Variants in COQ10B observed in about 807,000 individuals in gnomAD.
COQ10B encodes coenzyme Q10B.
Under a neutral mutation model 27.6 loss-of-function variants are expected in COQ10B, and 12 were observed. The ratio of observed to expected loss-of-function variants is 0.43; its 90% CI spans 0.28 to 0.70. The LOEUF (loss-of-function observed/expected upper bound fraction) is 0.70. COQ10B is among the 30% of genes least tolerant of loss of function. The pLI, the probability that COQ10B is intolerant of heterozygous loss-of-function variation, is 0.17. For missense variants in COQ10B, 278 were observed against 288.7 expected (o/e 0.96, Z 0.27); for synonymous variants, 115 against 103.0 (o/e 1.12, Z -0.71).
rs1359704743 is a variant in COQ10B, at chr2:197,470,184, A to C, written c.549+13A>C. On this transcript the variant is annotated intron_variant, in intron 4 of 4. Transcript: ENST00000263960. The stretch of plus-strand genomic sequence containing the variant: ...CTTGGATTTTTCAGTAAGTCTCATA[A>C]AGCCCTTGATTTGTTCCACTTATGA... 2.0e-6 allele frequency: 3 copies of C among 1,523,298 alleles called. No homozygotes were observed. The South Asian group carries it at 3.4e-5, about 17-fold the overall frequency. The allele number at this position is 1,523,298 out of a possible 1,614,324, so 94.4% of individuals were successfully genotyped here.
At chr2:197,455,423 C>T (rs2085685424) in intron 1 of COQ10B, among the ~76,000 whole-genome samples, 1 of 146,584 alleles carries the variant, frequency 6.8e-6, no homozygotes, top group Non-Finnish European at 1.5e-5. Flanking sequence ...CTCATGAAAC[C>T]AGCGTGGACA....
intron 3 of COQ10B, among the ~76,000 whole-genome samples, chr2:197,465,421 C>G (rs1273285834): frequency 2.6e-5 from 4 of 152,068 alleles, no homozygotes; most frequent in Non-Finnish European, 5.9e-5. Context: ...TCCCAAGTAG[C>G]TGGGATTATA....
chr2:197,470,666 G>A (rs981732728), intron 4 of COQ10B, among the ~76,000 whole-genome samples: 1 of 151,988 alleles, frequency 6.6e-6, no homozygotes. Context: ...AGGCTGAGGC[G>A]GGCAGATCAC....
chr2:197,473,441 T>C (rs11694885), intron 4 of COQ10B, among the ~76,000 whole-genome samples: 50,658 of 98,042 alleles, frequency 0.52, 14,935 homozygotes, highest in African/African-American at 0.6. Flanking sequence ...TATATATATA[T>C]ACACATATAT....
chr2:197,461,659 GA>G (rs2085759931), intron 2 of COQ10B, among the ~76,000 whole-genome samples: 1 of 142,992 alleles, frequency 7.0e-6, no homozygotes, highest in East Asian at 2.1e-4. Context: ...GAGAGAGAGA[GA>G]GAGAGGTGTA....
At chr2:197,453,724 G>A in intron 1 of COQ10B, 60 bp downstream of exon 1, 2 of 1,399,726 alleles carry the variant, frequency 1.4e-6, no homozygotes, top group Non-Finnish European at 2.0e-6. Flanking sequence ...GCCGAGTTGG[G>A]GGACCGGAAG....
intron 4 of COQ10B, among the ~76,000 whole-genome samples, chr2:197,473,445 CATATAT>C (rs1559296073): frequency 3.2e-5 from 3 of 94,380 alleles, no homozygotes; most frequent in South Asian, 3.6e-4. Context: ...TATATATACA[CATATAT>C]ACATATATAT....
At chr2:197,462,914 T>A (rs879586566) in intron 3 of COQ10B, among the ~76,000 whole-genome samples, 183 bp downstream of exon 3, 1 of 152,212 alleles carries the variant, frequency 6.6e-6, no homozygotes, top group Non-Finnish European at 1.5e-5. Flanking sequence ...AAATAGAAAT[T>A]TGAATATAAT....
At position 197,470,276 on chromosome 2, in the gene COQ10B, T is replaced by A; in HGVS notation, c.549+105T>A. 1.3e-5 allele frequency: 8 copies of A among 622,694 alleles called. No individual in the cohort carries two copies. The South Asian group carries it at 1.4e-4, about 11-fold the overall frequency. The allele number at this position is 622,694 out of a possible 1,614,324, so 38.6% of individuals were successfully genotyped here. ...GCCATAATTATATTGAATACCTTTT[T>A]CTGCATAAATGCTAATGAACATTTC... On this transcript the variant is annotated intron_variant, in intron 4 of 4. Coordinates refer to ENST00000263960, the MANE Select transcript of COQ10B (RefSeq NM_025147.5).
At chr2:197,471,817 C>CT (rs2085880065) in intron 4 of COQ10B, among the ~76,000 whole-genome samples, 1 of 151,944 alleles carries the variant, frequency 6.6e-6, no homozygotes, top group Non-Finnish European at 1.5e-5. Flanking sequence ...TGGTGCATGC[C>CT]TGTAGTCCTA....
intron 2 of COQ10B, 32 bp downstream of exon 2, chr2:197,460,113 G>T (rs770008465): frequency 2.0e-6 from 3 of 1,515,286 alleles, no homozygotes; most frequent in African/African-American, 1.4e-5. Flanking sequence ...TACTAAAAGA[G>T]CATGTTCACA....
At chr2:197,453,825 AG>A in intron 1 of COQ10B, 161 bp downstream of exon 1, 1 of 1,047,830 alleles carries the variant, frequency 9.5e-7, no homozygotes, top group East Asian at 2.6e-5. Flanking sequence ...GAGGGACTCA[AG>A]AGCGGCGCGC....
In COQ10B at chr2:197,473,894, G is replaced by A. The variant is rs758220617; in HGVS notation, c.687G>A (p.Glu229=). The A allele has an allele frequency of 1.3e-6, 2 of 1,575,692 alleles. No homozygotes were observed. The highest frequency in any genetic ancestry group is 1.7e-6 in the Non-Finnish European group (2 of 1,158,286). ...GTCCAGAAACAAATATACCTCGGGAGTTAATGCTTCATGAAGTCCATCACA... is the reference window on the plus strand; with the variant it reads ...GTCCAGAAACAAATATACCTCGGGAATTAATGCTTCATGAAGTCCATCACA... The part of the protein sequence containing the change: ...LYGPETNIPR[E]LMLHEVHHT Residue 229 remains glutamate, a synonymous_variant, in exon 5 of 5, where the codon GAG becomes GAA. Coordinates refer to ENST00000263960, the MANE Select transcript of COQ10B (RefSeq NM_025147.5).
At position 197,462,688 on chromosome 2, in the gene COQ10B, G is replaced by A. The variant is rs1262307720; in HGVS notation, c.404G>A (p.Arg135Gln). The change falls in exon 3 of 5, where the codon CGA becomes CAA. Residue 135 changes from arginine (R) to glutamine (Q), a missense_variant. Physicochemically the swap from Arg to Gln is conservative, Grantham distance 43. This residue lies in a region of COQ10B where 12 missense variants were observed against 26.0 expected (regional missense o/e 0.46). Coordinates refer to ENST00000263960, the MANE Select transcript of COQ10B (RefSeq NM_025147.5). ...ATTGGATTTCCACCTGTGTTGGAGC[G>A]ATATACATCAGTAGTAACCTTGGTG... ...LEIGFPPVLE[R>Q]YTSVVTLVKP... 1.0e-5 allele frequency: 16 copies of A among 1,595,994 alleles called. No homozygotes were observed. Among genetic ancestry groups the A allele is most frequent in the African/African-American group, 2.7e-5 (2 of 74,058 alleles).
At chr2:197,459,284 A>G (rs1054162724) in intron 1 of COQ10B, among the ~76,000 whole-genome samples, 1 of 152,204 alleles carries the variant, frequency 6.6e-6, no homozygotes, top group African/African-American at 2.4e-5. Context: ...CTGCTGCCTC[A>G]GATTCCTGAG....
intron 1 of COQ10B, among the ~76,000 whole-genome samples, chr2:197,457,911 C>T (rs1267265935): frequency 2.6e-5 from 4 of 151,948 alleles, no homozygotes; most frequent in African/African-American, 4.8e-5. Context: ...CGTGAGCCAC[C>T]GCACCCGGCC....
At chr2:197,468,442 CAAAAAAAA>C (rs760008326) in intron 3 of COQ10B, among the ~76,000 whole-genome samples, 1 of 63,946 alleles carries the variant, frequency 1.6e-5, no homozygotes, top group African/African-American at 6.5e-5. Flanking sequence ...GACTCCGTCT[CAAAAAAAA>C]AAAAAAAAAA....
rs192363572 is a variant in COQ10B at position 197,467,534 on chromosome 2, C to T, written c.448-2536C>T. On this transcript the variant is annotated intron_variant, in intron 3 of 4. Coordinates refer to ENST00000263960, the MANE Select transcript of COQ10B (RefSeq NM_025147.5). ...CTGGGATTAAAGGCATGCGCCACCA[C>T]GCCCAGCTAATTTTGTATTTTTAGT... 2.3e-3 allele frequency among the ~76,000 whole-genome samples: 347 copies of T among 152,270 alleles called. 1 individual carries two copies. Among genetic ancestry groups the T allele is most frequent in the African/African-American group, 8.2e-3 (339 of 41,570 alleles).
chr2:197,468,867 AAAAAAT>A lies in COQ10B; in HGVS notation c.448-1180_448-1175del, dbSNP rs146473479. 3.3e-3 allele frequency among the ~76,000 whole-genome samples: 498 copies of A among 152,152 alleles called. 26 individuals are homozygous for A. In the East Asian group the frequency reaches 0.077, roughly 24 times the overall value. Reference sequence around the variant, plus strand: ...CAGCTACTTGGGAGGCTGAGGTGGGAAAAAATAAAAATAAAAATAAAAATAAAATGC... The same window carrying A: ...CAGCTACTTGGGAGGCTGAGGTGGGAAAAAATAAAAATAAAAATAAAATGC... On this transcript the variant is annotated intron_variant, in intron 3 of 4. Transcript: ENST00000263960.
Sources: gnomAD v4.1 joint callset for allele counts (sites outside exome capture counted in the v4.1 genomes callset) on GRCh38, gnomAD v4.1.1 for gene constraint, gnomAD v4.1.1 regional missense constraint, MANE v1.5 for transcripts, NCBI Gene and HGNC (gene_info 2026-07-23, HGNC 2026-07-21) for gene names.